Variants in LRRC4C observed in about 807,000 individuals in gnomAD.
The protein encoded by LRRC4C is leucine rich repeat containing 4C, also known as leucine-rich repeat-containing protein 4C.
Under a neutral mutation model 33.6 loss-of-function variants are expected in LRRC4C, and 5 were observed. The ratio of observed to expected loss-of-function variants is 0.15; its 90% confidence interval spans 0.08 to 0.31. The LOEUF (loss-of-function observed/expected upper bound fraction) is 0.31. LRRC4C is among the 10% of genes least tolerant of loss of function. The probability of loss-of-function intolerance (pLI) is 1.00; values close to 1 mark genes in which losing one functional copy is unlikely to be tolerated. For missense variants in LRRC4C, 560 were observed against 796.7 expected (o/e 0.70, Z 3.58); for synonymous variants, 329 against 302.0 (o/e 1.09, Z -0.93).
chr11:40,696,249 G>T (rs1184818413), intron 2 of LRRC4C, among the ~76,000 whole-genome samples: 2 of 124,206 alleles, frequency 1.6e-5, no homozygotes, highest in East Asian at 4.7e-4. Context: ...CATCTCTGGG[G>T]GTGAGGTATT....
intron 6 of LRRC4C, among the ~76,000 whole-genome samples, chr11:40,120,595 A>G: frequency 6.6e-6 from 1 of 152,070 alleles, no homozygotes; most frequent in East Asian, 1.9e-4. Flanking sequence ...AAGCAAATTA[A>G]TATTTTTAGG....
At chr11:40,448,876 G>A (rs1186079239) in intron 3 of LRRC4C, among the ~76,000 whole-genome samples, 2 of 152,192 alleles carry the variant, frequency 1.3e-5, no homozygotes, top group Non-Finnish European at 2.9e-5. Flanking sequence ...CAGTGTAAAA[G>A]CATTCCTATT....
intron 1 of LRRC4C, among the ~76,000 whole-genome samples, chr11:41,350,612 C>G (rs921854045): frequency 6.6e-6 from 1 of 151,934 alleles, no homozygotes; most frequent in African/African-American, 2.4e-5. Flanking sequence ...ACATGGGCAT[C>G]TCAGCAATGA....
rs558602511 is a variant in LRRC4C, at chr11:40,646,630, G to A, written c.-270+1512C>T. ...TTCTCTCTCTCTCTTTTTTGGAGAC[G>A]GACTCTTGCTCTGCCGCCCAGGCCG... On this transcript the variant is annotated intron_variant, in intron 3 of 6. Coordinates refer to ENST00000528697, the MANE Select transcript of LRRC4C (RefSeq NM_001258419.2). Among the ~76,000 whole-genome samples, 8 of 152,042 alleles carry A rather than the reference G, an allele frequency of 5.3e-5. No homozygotes were observed. In the South Asian group the frequency reaches 1.2e-3, roughly 24 times the overall value.
At chr11:40,621,246 G>T (rs1046876342) in intron 3 of LRRC4C, among the ~76,000 whole-genome samples, 3 of 151,338 alleles carry the variant, frequency 2.0e-5, no homozygotes, top group African/African-American at 7.3e-5. Context: ...CCCTTTAATG[G>T]TTCTTTTTTT....
chr11:41,293,454 A>G (rs1950047087), intron 1 of LRRC4C, among the ~76,000 whole-genome samples: 2 of 152,158 alleles, frequency 1.3e-5, no homozygotes, highest in Admixed American at 1.3e-4. Flanking sequence ...TGTTGATGAG[A>G]GGCAAATGAG....
Position 41,396,818 on chromosome 11 carries a change from G to A in LRRC4C, c.-496+62613C>T, listed in dbSNP as rs571990293. 3.3e-5 allele frequency among the ~76,000 whole-genome samples: 5 copies of A among 152,056 alleles called. No homozygotes were observed. The South Asian group carries it at 6.2e-4, about 19-fold the overall frequency. ...CATGATGAAGACACCAAAAGCAATT[G>A]CAGCAAAATAAAAAACTGACAAATG... On this transcript the variant is annotated intron_variant, in intron 1 of 6. Coordinates refer to ENST00000528697, the MANE Select transcript of LRRC4C (RefSeq NM_001258419.2).
intron 3 of LRRC4C, among the ~76,000 whole-genome samples, chr11:40,588,637 C>A (rs1194428120): frequency 6.6e-6 from 1 of 151,922 alleles, no homozygotes; most frequent in Non-Finnish European, 1.5e-5. Context: ...TCCCTCTACA[C>A]ACTGCTTTGA....
intron 1 of LRRC4C, among the ~76,000 whole-genome samples, chr11:41,005,660 G>GTT (rs1555036935): frequency 6.6e-6 from 1 of 151,586 alleles, no homozygotes; most frequent in African/African-American, 2.4e-5. Context: ...TCTCTGTCTT[G>GTT]CTCTCTCTCT....
intron 5 of LRRC4C, among the ~76,000 whole-genome samples, chr11:40,151,602 C>G (rs144531396): frequency 6.6e-6 from 1 of 152,066 alleles, no homozygotes; most frequent in Non-Finnish European, 1.5e-5. Context: ...TGAAGTAGTT[C>G]GCGGAAGGTA....
chr11:40,259,126 G>A (rs1047696002), intron 4 of LRRC4C, among the ~76,000 whole-genome samples: 1 of 152,174 alleles, frequency 6.6e-6, no homozygotes, highest in Non-Finnish European at 1.5e-5. Context: ...GTTGGGGCCA[G>A]AATTCAGGCA....
intron 5 of LRRC4C, among the ~76,000 whole-genome samples, chr11:40,144,210 T>C (rs192651178): frequency 2.6e-5 from 4 of 152,356 alleles, no homozygotes; most frequent in Admixed American, 2.6e-4. Flanking sequence ...GCCTGGCATG[T>C]CATACATTCT....
In LRRC4C at chr11:40,911,596, A is replaced by G. The variant is rs1365383801; in HGVS notation, c.-407+22039T>C. On this transcript the variant is annotated intron_variant, in intron 2 of 6. Coordinates refer to ENST00000528697, the MANE Select transcript of LRRC4C (RefSeq NM_001258419.2). ...GCAGATAAAACCACAAAGATGGGGA[A>G]ACAACAGAGCAGAAAAACTGAAAAT... Among the ~76,000 whole-genome samples, 4 of 152,300 alleles carry G rather than the reference A, an allele frequency of 2.6e-5. No homozygotes were observed. In the East Asian group the frequency reaches 7.7e-4, roughly 29 times the overall value.
At chr11:40,814,267 A>G (rs1229523431) in intron 2 of LRRC4C, among the ~76,000 whole-genome samples, 1 of 152,196 alleles carries the variant, frequency 6.6e-6, no homozygotes, top group Non-Finnish European at 1.5e-5. Context: ...ACTTCTGTGT[A>G]GCAGCAATAT....
chr11:40,691,489 A>G (rs1256711948), intron 2 of LRRC4C, among the ~76,000 whole-genome samples: 1 of 152,156 alleles, frequency 6.6e-6, no homozygotes, highest in African/African-American at 2.4e-5. Flanking sequence ...GGCATTCATG[A>G]AACTAGAGAA....
chr11:40,552,049 G>T (rs565008048), intron 3 of LRRC4C, among the ~76,000 whole-genome samples: 7 of 152,328 alleles, frequency 4.6e-5, no homozygotes, highest in African/African-American at 1.7e-4. Context: ...TCAGCAGACT[G>T]CCTTTTGACT....
chr11:41,385,777 C>T (rs183770873), intron 1 of LRRC4C, among the ~76,000 whole-genome samples: 4 of 151,388 alleles, frequency 2.6e-5, no homozygotes, highest in Middle Eastern at 3.2e-3. Context: ...TCAAAAGAAA[C>T]GTCCAATAGG....
chr11:40,706,613 G>C (rs894601999), intron 2 of LRRC4C, among the ~76,000 whole-genome samples: 28 of 152,018 alleles, frequency 1.8e-4, no homozygotes, highest in African/African-American at 6.5e-4. Context: ...GTTACTGTAG[G>C]CTTGCAGTAT....
chr11:41,242,943 A>G (rs1007378133), intron 1 of LRRC4C, among the ~76,000 whole-genome samples: 1 of 152,168 alleles, frequency 6.6e-6, no homozygotes, highest in African/African-American at 2.4e-5. Flanking sequence ...GTTTTTCTTA[A>G]AAGCAATACT....
Sources: allele counts gnomAD v4.1 joint callset (sites outside exome capture counted in the v4.1 genomes callset), GRCh38; gene constraint gnomAD v4.1.1; transcripts MANE v1.5; gene names NCBI Gene and HGNC (gene_info 2026-07-23, HGNC 2026-07-21).